Variants in DGKG observed in about 807,000 individuals in gnomAD.
The protein encoded by DGKG is DAG kinase gamma.
A neutral mutation model predicts 105.3 loss-of-function variants in DGKG; 78 were observed. That is an observed-to-expected ratio of 0.74 (90% CI 0.62 to 0.89). The LOEUF is 0.89. Ranked by LOEUF, DGKG falls within the 40% of genes least tolerant of loss-of-function variation. The pLI is 0.00. For synonymous variants in DGKG, 346 were observed against 367.1 expected, an observed-to-expected ratio of 0.94 and a Z score of 0.66; for missense variants, 958 against 1,020.1, an observed-to-expected ratio of 0.94 and a Z score of 0.83.
At chr3:186,258,005 G>C in intron 16 of DGKG, 66 bp from the exon 17 acceptor site, 3 of 1,165,578 alleles carry the variant, frequency 2.6e-6, no homozygotes, top group Non-Finnish European at 3.9e-6. Flanking sequence ...GATACATGTT[G>C]AGTCAGAGTC....
chr3:186,176,562 G>T (rs542317470), intron 22 of DGKG, among the ~76,000 whole-genome samples: 4 of 152,188 alleles, frequency 2.6e-5, no homozygotes, highest in Non-Finnish European at 4.4e-5. Context: ...GTGTGGGAGG[G>T]TGTTGGGTGT....
chr3:186,297,896 G>T (rs1428937182), intron 4 of DGKG, among the ~76,000 whole-genome samples, 168 bp downstream of exon 4: 2 of 152,190 alleles, frequency 1.3e-5, no homozygotes, highest in African/African-American at 4.8e-5. Flanking sequence ...GGTTCATCAG[G>T]GCTTCCCGTA....
chr3:186,295,240 CGCCTATAATCCCAGCACTTTGGGAG>C (rs1723492341), intron 5 of DGKG, among the ~76,000 whole-genome samples: 1 of 152,106 alleles, frequency 6.6e-6, no homozygotes, highest in South Asian at 2.1e-4. Flanking sequence ...GGGTGGCTCA[CGCCTATAATCCCAGCACTTTGGGAG>C]GCCGAGGTGG....
chr3:186,292,912 A>G (rs1343402481), intron 5 of DGKG, among the ~76,000 whole-genome samples: 1 of 152,192 alleles, frequency 6.6e-6, no homozygotes, highest in African/African-American at 2.4e-5. Context: ...TTACACACAC[A>G]CACATGTAAT....
chr3:186,242,550 T>G lies in DGKG; in HGVS notation c.1780A>C (p.Arg594=). The change falls in exon 20 of 25, where the codon AGA becomes CGA. Residue 594 remains arginine, a synonymous_variant. Coordinates refer to ENST00000265022, the MANE Select transcript of DGKG (RefSeq NM_001346.3). ...SIGVDASIAH[R]FHVMREKHPE... Reference sequence around the variant, plus strand: ...TGTTTCTCTCTCATCACATGGAATCTGTGTGCAATGGAAGCGTCCTGAAAG... The same window carrying G: ...TGTTTCTCTCTCATCACATGGAATCGGTGTGCAATGGAAGCGTCCTGAAAG... The G allele has an allele frequency of 6.2e-7, 1 of 1,613,804 alleles. No homozygotes were observed. Among genetic ancestry groups the G allele is most frequent in the East Asian group, 2.2e-5 (1 of 44,878 alleles).
intron 20 of DGKG, among the ~76,000 whole-genome samples, chr3:186,241,363 G>A (rs1324009973): frequency 2.0e-5 from 3 of 152,052 alleles, no homozygotes; most frequent in Admixed American, 6.5e-5. Flanking sequence ...GACCAGCCTG[G>A]TGAACATAGT....
chr3:186,337,511 C>A (rs1208164415), intron 1 of DGKG, among the ~76,000 whole-genome samples: 1 of 152,140 alleles, frequency 6.6e-6, no homozygotes, highest in East Asian at 1.9e-4. Flanking sequence ...CAGCAAACTT[C>A]ATATTTAAAT....
Position 186,148,891 on chromosome 3 carries a change from C to T in DGKG, c.*1199G>A, listed in dbSNP as rs1221337231. The T allele has an allele frequency of 1.0e-6, 1 of 983,142 alleles. No individual in the cohort carries two copies. Among genetic ancestry groups the T allele is most frequent in the Non-Finnish European group, 1.2e-6 (1 of 829,200 alleles). The allele number at this position is 983,142 out of a possible 1,614,324, so 60.9% of individuals were successfully genotyped here. The stretch of plus-strand genomic sequence containing the variant: ...GAGTGAGAACCTTCTTTTTCCTTAC[C>T]ACTTTCTGTCTCATACTACCTATGT... On this transcript the variant is annotated 3_prime_UTR_variant, in exon 25 of 25. Transcript: ENST00000265022.
At chr3:186,193,908 C>G (rs1232241086) in intron 21 of DGKG, among the ~76,000 whole-genome samples, 1 of 152,248 alleles carries the variant, frequency 6.6e-6, no homozygotes, top group Non-Finnish European at 1.5e-5. Flanking sequence ...CGAGGCTGCG[C>G]TGGGCGGAAC....
intron 20 of DGKG, among the ~76,000 whole-genome samples, chr3:186,221,570 C>T (rs1719582756): frequency 6.6e-6 from 1 of 152,182 alleles, no homozygotes; most frequent in Admixed American, 6.5e-5. Flanking sequence ...GACAGGAATG[C>T]TCACTCCTGA....
intron 22 of DGKG, among the ~76,000 whole-genome samples, chr3:186,173,908 G>A (rs1716946555): frequency 6.6e-6 from 1 of 152,218 alleles, no homozygotes; most frequent in South Asian, 2.1e-4. Context: ...AAAGCACCAG[G>A]CCTTCAGGCA....
In DGKG at chr3:186,284,452, G is replaced by A. The variant is rs894670920; in HGVS notation, c.594+208C>T. ...TTTGATGATCCCAGGCTTCTAGAGC[G>A]AAAAGGTAAGTTGGCATTCACGCTC... On this transcript the variant is annotated intron_variant, in intron 7 of 24. Transcript: ENST00000265022. This position sits in a 1 kb window ranked among gnomAD's most constrained non-coding sequence, Gnocchi z 4.0. Among the ~76,000 whole-genome samples, 30 of 152,218 alleles carry A rather than the reference G, an allele frequency of 2.0e-4. No homozygotes were observed. The highest frequency in any genetic ancestry group is 6.2e-4 in the South Asian group (3 of 4,832).
intron 19 of DGKG, among the ~76,000 whole-genome samples, chr3:186,243,564 C>T (rs916823745): frequency 3.3e-5 from 5 of 152,150 alleles, no homozygotes; most frequent in African/African-American, 4.8e-5. Flanking sequence ...AAACCTGAAA[C>T]GGAACTTGTC....
At chr3:186,318,904 C>A (rs922479489) in intron 2 of DGKG, among the ~76,000 whole-genome samples, 3 of 152,210 alleles carry the variant, frequency 2.0e-5, no homozygotes, top group Non-Finnish European at 4.4e-5. Context: ...CTCGTTTCCA[C>A]GCTTAGTTTA....
chr3:186,304,001 C>A (rs1419245407), intron 3 of DGKG, among the ~76,000 whole-genome samples: 1 of 152,232 alleles, frequency 6.6e-6, no homozygotes, highest in Admixed American at 6.5e-5. Flanking sequence ...AGAACGAAAT[C>A]AGAGTGACAG....
chr3:186,260,938 C>G (rs967144524), intron 15 of DGKG, among the ~76,000 whole-genome samples: 1 of 152,134 alleles, frequency 6.6e-6, no homozygotes, highest in Non-Finnish European at 1.5e-5. Context: ...CAGGGAGAGG[C>G]CCCCTGCAGT....
intron 2 of DGKG, among the ~76,000 whole-genome samples, chr3:186,314,520 C>T (rs1037850150): frequency 5.9e-5 from 9 of 151,964 alleles, no homozygotes; most frequent in Non-Finnish European, 7.4e-5. Context: ...TTTGGGAGGT[C>T]GAGGCGGGTG....
chr3:186,175,297 A>G (rs1394362846), intron 22 of DGKG, among the ~76,000 whole-genome samples: 1 of 152,144 alleles, frequency 6.6e-6, no homozygotes, highest in Admixed American at 6.5e-5. Flanking sequence ...ACAGCCCTAC[A>G]CTGAGGCAAG....
chr3:186,208,030 T>C (rs73054200), intron 21 of DGKG, among the ~76,000 whole-genome samples: 4,051 of 152,170 alleles, frequency 0.027, 149 homozygotes, highest in African/African-American at 0.094. Context: ...GAATGGCTTT[T>C]TTTCTTTCTT....
Sources: gnomAD v4.1 joint callset for allele counts (sites outside exome capture counted in the v4.1 genomes callset) on GRCh38, gnomAD v4.1.1 for gene constraint, Gnocchi (gnomAD v3.1) non-coding constraint, MANE v1.5 for transcripts, NCBI Gene and HGNC (gene_info 2026-07-23, HGNC 2026-07-21) for gene names.